NEK10: variants seen among roughly 807,000 people sequenced by gnomAD.
NEK10 encodes NIMA related kinase 10.
A neutral mutation model predicts 159.8 loss-of-function variants in NEK10; 122 were observed. The ratio of observed to expected loss-of-function variants is 0.76; its 90% confidence interval spans 0.66 to 0.89. NEK10 has a LOEUF of 0.89. Among genes scored for constraint, NEK10 ranks in the 40% least tolerant of loss-of-function variants. The pLI is 0.00. For synonymous variants in NEK10, 466 were observed against 457.1 expected, an observed-to-expected ratio of 1.02 and a Z score of -0.25; for missense variants, 1,342 against 1,323.1, an observed-to-expected ratio of 1.01 and a Z score of -0.22.
In NEK10 at chr3:27,329,299, G is replaced by A. The variant is rs527665163; in HGVS notation, c.363-7038C>T. Among the ~76,000 whole-genome samples the A allele has an allele frequency of 4.1e-4, 62 of 152,224 alleles. No individual in the cohort carries two copies. The South Asian group carries it at 5.2e-3, about 13-fold the overall frequency. On this transcript the variant is annotated intron_variant, in intron 5 of 35. Transcript: ENST00000691995. ...TTTCCTGTATAAATTACCCAGTCTTGAGTATGTCTTTATTAGCGACGTGAA... is the reference window on the plus strand; with the variant it reads ...TTTCCTGTATAAATTACCCAGTCTTAAGTATGTCTTTATTAGCGACGTGAA...
chr3:27,127,547 G>A (rs1209061567), intron 32 of NEK10, among the ~76,000 whole-genome samples: 3 of 152,010 alleles, frequency 2.0e-5, no homozygotes, highest in Non-Finnish European at 2.9e-5. Context: ...GTAGGCAACC[G>A]CAACACAATG....
chr3:27,186,088 C>G (rs11717314), intron 26 of NEK10, among the ~76,000 whole-genome samples: 1 of 152,000 alleles, frequency 6.6e-6, no homozygotes, highest in Non-Finnish European at 1.5e-5. Flanking sequence ...GTGGACTTGC[C>G]GAGCATAAGT....
At chr3:27,151,532 T>C (rs945890227) in intron 30 of NEK10, among the ~76,000 whole-genome samples, 9 of 152,258 alleles carry the variant, frequency 5.9e-5, no homozygotes, top group African/African-American at 2.2e-4. Flanking sequence ...ATATTCCCTC[T>C]GACAGAGCCT....
chr3:27,348,765 T>TC (rs756070414), intron 3 of NEK10, among the ~76,000 whole-genome samples: 1 of 152,144 alleles, frequency 6.6e-6, no homozygotes, highest in Non-Finnish European at 1.5e-5. Context: ...CAACATCCTT[T>TC]CCCCTTGAAT....
chr3:27,295,272 C>T (rs951366682), intron 15 of NEK10, among the ~76,000 whole-genome samples: 32 of 152,292 alleles, frequency 2.1e-4, no homozygotes, highest in African/African-American at 7.5e-4. Flanking sequence ...AGTCCCTTCT[C>T]ATCCATCAAG....
intron 25 of NEK10, among the ~76,000 whole-genome samples, chr3:27,200,937 G>C (rs1435145858): frequency 1.3e-5 from 2 of 152,140 alleles, no homozygotes; most frequent in East Asian, 1.9e-4. Flanking sequence ...AACAGAAGGG[G>C]AAGTGGGAGG....
At chr3:27,327,921 T>A (rs1251207436) in intron 5 of NEK10, among the ~76,000 whole-genome samples, 1 of 136,408 alleles carries the variant, frequency 7.3e-6, no homozygotes, top group Non-Finnish European at 1.6e-5. Context: ...AAAATTCACA[T>A]CTATGCAAAA....
At chr3:27,293,235 T>C (rs1263878899) in intron 16 of NEK10, among the ~76,000 whole-genome samples, 4 of 152,236 alleles carry the variant, frequency 2.6e-5, no homozygotes, top group Non-Finnish European at 4.4e-5. Context: ...GACTTTCAAA[T>C]TTCTAGCTGG....
At chr3:27,327,299 A>T (rs2046074860) in intron 5 of NEK10, among the ~76,000 whole-genome samples, 1 of 152,244 alleles carries the variant, frequency 6.6e-6, no homozygotes, top group Non-Finnish European at 1.5e-5. Context: ...CTGCAAAGAT[A>T]GTATTTCTCT....
rs577020698 is a variant in NEK10 at position 27,368,314 on chromosome 3, A to C, written c.-38+911T>G. On this transcript the variant is annotated intron_variant, in intron 1 of 35. Transcript: ENST00000691995. ...TAAAAAAGGAGTCTTTTTTAGAAGG[A>C]CTCCATATATATATATATACACATA... Among the ~76,000 whole-genome samples, 149 of 141,652 alleles carry C rather than the reference A, an allele frequency of 1.1e-3. 4 individuals carry two copies. In the South Asian group the frequency reaches 0.014, roughly 13 times the overall value. The allele number at this position is 141,652 out of a possible 152,430, so 92.9% of individuals were successfully genotyped here. A position where few individuals can be genotyped will look rare whatever the true frequency, so the allele number is the denominator to read the frequency against.
chr3:27,205,185 C>T (rs555392433), intron 23 of NEK10, among the ~76,000 whole-genome samples: 1 of 151,786 alleles, frequency 6.6e-6, no homozygotes, highest in African/African-American at 2.4e-5. Context: ...GAACTACAAA[C>T]CACTGCTCAA....
intron 1 of NEK10, among the ~76,000 whole-genome samples, chr3:27,362,426 T>C (rs1398172011): frequency 1.3e-5 from 2 of 152,096 alleles, no homozygotes; most frequent in Admixed American, 1.3e-4. Context: ...TATTATCACA[T>C]TCCATTAATC....
chr3:27,313,251 T>G (rs139204489), intron 7 of NEK10, among the ~76,000 whole-genome samples: 1 of 150,472 alleles, frequency 6.6e-6, no homozygotes, highest in African/African-American at 2.4e-5. Context: ...GGTGACAAAG[T>G]GAGACCCTAT....
intron 15 of NEK10, among the ~76,000 whole-genome samples, chr3:27,294,194 A>G (rs960587343): frequency 9.8e-5 from 15 of 152,364 alleles, no homozygotes; most frequent in African/African-American, 3.6e-4. Flanking sequence ...GCTCAGAAAG[A>G]GGCCTGTGAG....
chr3:27,214,571 T>G (rs561265971), intron 23 of NEK10, among the ~76,000 whole-genome samples: 26 of 152,084 alleles, frequency 1.7e-4, no homozygotes, highest in Non-Finnish European at 3.7e-4. Context: ...TTTCCTATTT[T>G]TGTTTAATTT....
chr3:27,212,255 G>C (rs553094338), intron 23 of NEK10, among the ~76,000 whole-genome samples: 1 of 152,216 alleles, frequency 6.6e-6, no homozygotes, highest in Non-Finnish European at 1.5e-5. Flanking sequence ...GCAAAATAAG[G>C]TATTTTTATT....
chr3:27,323,605 A>G (rs191524788), intron 5 of NEK10, among the ~76,000 whole-genome samples: 713 of 84,268 alleles, frequency 8.5e-3, no homozygotes, highest in African/African-American at 0.026. Flanking sequence ...CAGAGGGGGG[A>G]AAAAAAAACC....
At chr3:27,225,784 C>T (rs1415286211) in intron 23 of NEK10, among the ~76,000 whole-genome samples, 1 of 152,152 alleles carries the variant, frequency 6.6e-6, no homozygotes, top group Non-Finnish European at 1.5e-5. Flanking sequence ...TTCTCACTTG[C>T]AAATCCAAGT....
rs781114388 is a variant in NEK10 at position 27,202,480 on chromosome 3, G to A, written c.2168C>T (p.Ala723Val). 48 of 1,613,360 alleles carry A rather than the reference G, an allele frequency of 3.0e-5. No homozygotes were observed. The highest frequency in any genetic ancestry group is 1.2e-4 in the Admixed American group (7 of 59,944). ...GCTGTAGAAGGGGGGACTCAAAGTCGCCATCTGATAAAGGATGCAGCCTAC... is the reference window on the plus strand; with the variant it reads ...GCTGTAGAAGGGGGGACTCAAAGTCACCATCTGATAAAGGATGCAGCCTAC... ...WAVGCILYQM[A>V]TLSPPFYSTN... The change falls in exon 24 of 36, where the codon GCG (alanine) becomes GTG (valine). Residue 723 changes from alanine to valine, a missense_variant. Coordinates refer to ENST00000691995, the MANE Select transcript of NEK10 (RefSeq NM_001394966.1).
Sources: allele counts gnomAD v4.1 joint callset (sites outside exome capture counted in the v4.1 genomes callset), GRCh38; gene constraint gnomAD v4.1.1; transcripts MANE v1.5; gene names NCBI Gene and HGNC (gene_info 2026-07-23, HGNC 2026-07-21).